DAB1: variants seen among roughly 807,000 people sequenced by gnomAD.
DAB1 encodes the protein disabled homolog 1.
A neutral mutation model predicts 64.6 loss-of-function variants in DAB1; 15 were observed. The ratio of observed to expected loss-of-function variants is 0.23; its 90% CI spans 0.16 to 0.36. The LOEUF (loss-of-function observed/expected upper bound fraction) is 0.36, where lower values mean the gene tolerates loss of function less well. Ranked by LOEUF, DAB1 falls within the 10% of genes least tolerant of loss-of-function variation. The pLI is 1.00. For missense variants in DAB1, 596 were observed against 706.7 expected, an observed-to-expected ratio of 0.84 and a Z score of 1.78; for synonymous variants, 235 against 251.9, an observed-to-expected ratio of 0.93 and a Z score of 0.64.
rs75131725 is a variant in DAB1 at position 57,313,894 on chromosome 1, C to T, written c.-136-22728G>A. 6.2e-4 allele frequency among the ~76,000 whole-genome samples: 94 copies of T among 152,210 alleles called. 2 individuals carry two copies. Among genetic ancestry groups the T allele is most frequent in the African/African-American group, 2.2e-3 (90 of 41,544 alleles). On this transcript the variant is annotated intron_variant, in intron 1 of 14. Transcript: ENST00000371236. The stretch of plus-strand genomic sequence containing the variant: ...CAGAGAAGTCCCTCACCCCTTCCAC[C>T]GTGTGAAGTTACAGTGAGAAGGTGC...
chr1:57,242,876 G>A lies in DAB1; in HGVS notation c.67+48088C>T, dbSNP rs1230608986. On this transcript the variant is annotated intron_variant, in intron 2 of 14. Transcript: ENST00000371236. The stretch of plus-strand genomic sequence containing the variant: ...AACTGTTTGTAGACAGTCTCCATTC[G>A]TCATTCCCCAGAGCCACTATTCTAA... 2.0e-5 allele frequency among the ~76,000 whole-genome samples: 3 copies of A among 152,248 alleles called. No homozygotes were observed. In the East Asian group the frequency reaches 5.8e-4, roughly 29 times the overall value.
intron 7 of DAB1, among the ~76,000 whole-genome samples, chr1:57,606,492 AAATATAT>A (rs1289199454): frequency 9.0e-6 from 1 of 111,236 alleles, no homozygotes; most frequent in Non-Finnish European, 1.7e-5. Context: ...AATACATATG[AAATATAT>A]AATATATAAT....
At position 57,471,284 on chromosome 1, in the gene DAB1, C is replaced by T. The variant is rs571313515; in HGVS notation, n.625+178308G>A. 6.6e-5 allele frequency among the ~76,000 whole-genome samples: 10 copies of T among 152,288 alleles called. 1 individual carries two copies. The South Asian group carries it at 2.1e-3, about 32-fold the overall frequency. Reference sequence around the variant, plus strand: ...TGACAAAAATTAGTTGTAAAGCAAACTCACCCCTTCCAAATGGGAACAATG... The same window carrying T: ...TGACAAAAATTAGTTGTAAAGCAAATTCACCCCTTCCAAATGGGAACAATG... On this transcript the variant is annotated intron_variant and non_coding_transcript_variant, in intron 7 of 20. Transcript: ENST00000485760.
chr1:57,331,129 T>C (rs1476290863), intron 1 of DAB1, among the ~76,000 whole-genome samples: 2 of 152,184 alleles, frequency 1.3e-5, no homozygotes, highest in Non-Finnish European at 2.9e-5. Flanking sequence ...ACCTAAAAAG[T>C]AAATGCTATA....
At chr1:57,839,945 T>C (rs1176419667) in intron 1 of DAB1, among the ~76,000 whole-genome samples, 1 of 152,216 alleles carries the variant, frequency 6.6e-6, no homozygotes, top group Non-Finnish European at 1.5e-5. Flanking sequence ...AGTGCTTACC[T>C]CTTTCAATAA....
At chr1:58,264,301 G>A (rs749958348) in intron 4 of DAB1, among the ~76,000 whole-genome samples, 1 of 152,194 alleles carries the variant, frequency 6.6e-6, no homozygotes, top group Non-Finnish European at 1.5e-5. Flanking sequence ...AGACCTTAGA[G>A]ACCATCTATT....
At chr1:57,851,193 A>T (rs1653508732) in intron 1 of DAB1, among the ~76,000 whole-genome samples, 1 of 152,274 alleles carries the variant, frequency 6.6e-6, no homozygotes, top group South Asian at 2.1e-4. Context: ...TACAAAGACC[A>T]CATGTGTATT....
chr1:58,227,892 A>G (rs1048325846), intron 4 of DAB1, among the ~76,000 whole-genome samples: 2 of 152,132 alleles, frequency 1.3e-5, no homozygotes, highest in African/African-American at 4.8e-5. Context: ...ACAATTTTGC[A>G]TTTCCCCCCT....
At chr1:57,963,499 G>C (rs1196797445) in intron 5 of DAB1, among the ~76,000 whole-genome samples, 1 of 152,182 alleles carries the variant, frequency 6.6e-6, no homozygotes, top group African/African-American at 2.4e-5. Context: ...CGTCCTGAAA[G>C]CTGGTGAAGA....
intron 5 of DAB1, chr1:58,048,773 T>C: frequency 2.5e-6 from 3 of 1,213,648 alleles, no homozygotes; most frequent in Non-Finnish European, 3.6e-6. Flanking sequence ...ACTTCACAGT[T>C]GTGGCCATTC....
At chr1:57,947,188 G>A (rs1460103048) in intron 5 of DAB1, among the ~76,000 whole-genome samples, 1 of 152,116 alleles carries the variant, frequency 6.6e-6, no homozygotes, top group East Asian at 1.9e-4. Flanking sequence ...AGGTAGAGCA[G>A]GGACTGGAGT....
intron 1 of DAB1, among the ~76,000 whole-genome samples, chr1:57,855,500 T>G (rs1392067949): frequency 6.6e-6 from 1 of 152,084 alleles, no homozygotes; most frequent in East Asian, 1.9e-4. Flanking sequence ...TTGTAGAACA[T>G]AGTGATGGTG....
At chr1:57,277,122 C>T (rs1671529342) in intron 2 of DAB1, among the ~76,000 whole-genome samples, 1 of 152,164 alleles carries the variant, frequency 6.6e-6, no homozygotes, top group Non-Finnish European at 1.5e-5. Context: ...CGATAGGCAC[C>T]TTCACACATG....
intron 4 of DAB1, among the ~76,000 whole-genome samples, chr1:58,199,236 G>T (rs1171128885): frequency 6.6e-6 from 1 of 152,176 alleles, no homozygotes; most frequent in Admixed American, 6.5e-5. Flanking sequence ...TCTTGATGAT[G>T]TCTTGTAAGG....
At chr1:57,827,632 A>G (rs966570239) in intron 1 of DAB1, among the ~76,000 whole-genome samples, 8 of 152,180 alleles carry the variant, frequency 5.3e-5, no homozygotes, top group African/African-American at 1.4e-4. Flanking sequence ...TCCTCCTCCT[A>G]TAATGATAAT....
chr1:57,568,367 C>A (rs963205965), intron 7 of DAB1, among the ~76,000 whole-genome samples: 1 of 152,144 alleles, frequency 6.6e-6, no homozygotes, highest in Non-Finnish European at 1.5e-5. Context: ...TAGGCATGGG[C>A]AAGGACTTCA....
chr1:57,124,134 G>A (rs1656914024), intron 4 of DAB1, among the ~76,000 whole-genome samples: 1 of 152,112 alleles, frequency 6.6e-6, no homozygotes, highest in South Asian at 2.1e-4. Context: ...AGGATCAGTG[G>A]TAAGGAAAAA....
At chr1:58,028,556 A>C (rs1646927791) in intron 5 of DAB1, among the ~76,000 whole-genome samples, 1 of 152,218 alleles carries the variant, frequency 6.6e-6, no homozygotes, top group Non-Finnish European at 1.5e-5. Context: ...TAAACCTATG[A>C]CCACCAAAAG....
chr1:58,087,636 T>C (rs1650398773), intron 5 of DAB1, among the ~76,000 whole-genome samples: 1 of 152,154 alleles, frequency 6.6e-6, no homozygotes, highest in Non-Finnish European at 1.5e-5. Flanking sequence ...GACCAGTGGA[T>C]CTGAGAGTAG....
Sources: gnomAD v4.1 joint callset for allele counts (sites outside exome capture counted in the v4.1 genomes callset) on GRCh38, gnomAD v4.1.1 for gene constraint, MANE v1.5 for transcripts, NCBI Gene and HGNC (gene_info 2026-07-23, HGNC 2026-07-21) for gene names.